Variants in VANGL1 observed in about 807,000 individuals in gnomAD.
The protein encoded by VANGL1 is VANGL planar cell polarity protein 1.
VANGL1 carries 18 observed loss-of-function variants against 48.4 expected under a neutral mutation model. The observed-to-expected ratio is 0.37, with a 90% CI of 0.26 to 0.55. The LOEUF (loss-of-function observed/expected upper bound fraction) is 0.55, where lower values mean the gene tolerates loss of function less well. Among genes scored for constraint, VANGL1 ranks in the 20% least tolerant of loss-of-function variants. The pLI is 0.81. For synonymous variants in VANGL1, 257 were observed against 261.8 expected (o/e 0.98, Z 0.18); for missense variants, 667 against 675.8 (o/e 0.99, Z 0.14).
intron 7 of VANGL1, among the ~76,000 whole-genome samples, chr1:115,686,100 T>C (rs1232046247): frequency 6.6e-6 from 1 of 152,114 alleles, no homozygotes; most frequent in African/African-American, 2.4e-5. Flanking sequence ...CATGCCTTGT[T>C]GCCATATTCA....
rs1303013065 is a variant in VANGL1 at position 115,690,025 on chromosome 1, A to AT, written c.1315-1092dup. Among the ~76,000 whole-genome samples, 28 of 139,064 alleles carry AT rather than the reference A, an allele frequency of 2.0e-4. 6 individuals are homozygous for AT. Among genetic ancestry groups the AT allele is most frequent in the African/African-American group, 7.6e-4 (28 of 37,006 alleles). The allele number at this position is 139,064 out of a possible 152,430, so 91.2% of individuals were successfully genotyped here. A position where few individuals can be genotyped will look rare whatever the true frequency, so the allele number is the denominator to read the frequency against. On this transcript the variant is annotated intron_variant, in intron 7 of 7. Transcript: ENST00000355485. Reference sequence around the variant, plus strand: ...TATATCCCAGTATGTTTCTATCTGTATTACTGGCTCATTTCATTCTTCCTT... The same window carrying AT: ...TATATCCCAGTATGTTTCTATCTGTATTTACTGGCTCATTTCATTCTTCCTT...
intron 2 of VANGL1, among the ~76,000 whole-genome samples, chr1:115,655,588 A>G (rs1652316047): frequency 6.6e-6 from 1 of 152,230 alleles, no homozygotes; most frequent in Non-Finnish European, 1.5e-5. Context: ...TGACACAGCC[A>G]CCCAGCAAAG....
intron 4 of VANGL1, among the ~76,000 whole-genome samples, chr1:115,666,015 G>C (rs1480279311): frequency 6.6e-6 from 1 of 152,202 alleles, no homozygotes; most frequent in African/African-American, 2.4e-5. Flanking sequence ...GAGAATTTCA[G>C]ATTGTGGCAG....
intron 4 of VANGL1, among the ~76,000 whole-genome samples, chr1:115,678,274 G>C (rs1315402117): frequency 6.6e-6 from 1 of 152,226 alleles, no homozygotes; most frequent in African/African-American, 2.4e-5. Flanking sequence ...AGCCAGTCCT[G>C]TGTTGGCTTT....
At chr1:115,680,320 G>A (rs1570767463) in intron 4 of VANGL1, among the ~76,000 whole-genome samples, 1 of 152,198 alleles carries the variant, frequency 6.6e-6, no homozygotes, top group African/African-American at 2.4e-5. Context: ...AGCCCCACGT[G>A]TTCCAGCATG....
intron 1 of VANGL1, among the ~76,000 whole-genome samples, chr1:115,648,670 A>T (rs1336228000): frequency 6.6e-6 from 1 of 152,236 alleles, no homozygotes; most frequent in African/African-American, 2.4e-5. Flanking sequence ...AGAGAGTATT[A>T]AATGACCTCA....
At chr1:115,662,857 G>A (rs927159593) in intron 3 of VANGL1, among the ~76,000 whole-genome samples, 11 of 150,436 alleles carry the variant, frequency 7.3e-5, no homozygotes, top group African/African-American at 2.7e-4. Context: ...CACGATCTCA[G>A]CTCACTGCAA....
At chr1:115,642,204 C>G (rs1375928321) in intron 1 of VANGL1, 118 bp downstream of exon 1, 3 of 152,176 alleles carry the variant, frequency 2.0e-5, no homozygotes, top group African/African-American at 7.2e-5. Flanking sequence ...CGCATTCGCC[C>G]CGCCGGACTT....
chr1:115,658,976 C>T (rs903469827), intron 2 of VANGL1, among the ~76,000 whole-genome samples: 1 of 151,900 alleles, frequency 6.6e-6, no homozygotes, highest in Admixed American at 6.6e-5. Flanking sequence ...CACACACATC[C>T]ACCCACACAC....
intron 2 of VANGL1, among the ~76,000 whole-genome samples, chr1:115,656,303 T>C (rs1467527850): frequency 6.6e-6 from 1 of 152,236 alleles, no homozygotes; most frequent in Non-Finnish European, 1.5e-5. Context: ...AAGCCCCTGC[T>C]ATATACAGGG....
chr1:115,642,933 G>C (rs1296103405), intron 1 of VANGL1, among the ~76,000 whole-genome samples: 1 of 152,244 alleles, frequency 6.6e-6, no homozygotes, highest in Non-Finnish European at 1.5e-5. Context: ...CAGTGGGGCG[G>C]AGCCGCGGCC....
intron 1 of VANGL1, among the ~76,000 whole-genome samples, chr1:115,644,931 C>A (rs894822327): frequency 3.9e-5 from 6 of 152,166 alleles, no homozygotes; most frequent in South Asian, 2.1e-4. Context: ...AAATAATGAC[C>A]CAGAATCATT....
chr1:115,677,280 G>A (rs1653203474), intron 4 of VANGL1, among the ~76,000 whole-genome samples: 1 of 152,220 alleles, frequency 6.6e-6, no homozygotes, highest in Admixed American at 6.5e-5. Flanking sequence ...CCTCTTCTCT[G>A]TTGCCATGGC....
At chr1:115,658,664 G>A (rs1479751049) in intron 2 of VANGL1, among the ~76,000 whole-genome samples, 1 of 152,162 alleles carries the variant, frequency 6.6e-6, no homozygotes, top group Non-Finnish European at 1.5e-5. Context: ...GGCTGTGGGG[G>A]CAGGAGGCTG....
intron 4 of VANGL1, among the ~76,000 whole-genome samples, chr1:115,675,887 G>A (rs1301683797): frequency 1.3e-5 from 2 of 152,080 alleles, no homozygotes; most frequent in Non-Finnish European, 2.9e-5. Flanking sequence ...CTCTGCTTGG[G>A]TGAACACTAA....
intron 7 of VANGL1, among the ~76,000 whole-genome samples, chr1:115,686,668 GT>G (rs1253050403): frequency 6.6e-6 from 1 of 152,058 alleles, no homozygotes; most frequent in Non-Finnish European, 1.5e-5. Flanking sequence ...ATCCCTAAAA[GT>G]GTGCTAAATA....
At chr1:115,644,592 G>A (rs1024730342) in intron 1 of VANGL1, among the ~76,000 whole-genome samples, 4 of 152,210 alleles carry the variant, frequency 2.6e-5, no homozygotes, top group Non-Finnish European at 4.4e-5. Context: ...GTGTGCTGTT[G>A]TCTCTAGCAG....
Position 115,696,439 on chromosome 1 carries a change from T to A in VANGL1, c.*5060T>A, listed in dbSNP as rs1191503115. ...CGTAAAACAGGACTCAGAAAACCAT[T>A]TTTCTCTGTTCCCATATGTAGTAAG... On this transcript the variant is annotated 3_prime_UTR_variant, in exon 8 of 8. Transcript: ENST00000355485. The A allele has an allele frequency of 6.6e-6, 1 of 152,172 alleles. No homozygotes were observed. The highest frequency in any genetic ancestry group is 1.5e-5 in the Non-Finnish European group (1 of 68,034). 9.4% of individuals were successfully genotyped at this position (152,172 alleles called of 1,614,324 possible). A position where few individuals can be genotyped will look rare whatever the true frequency, so the allele number is the denominator to read the frequency against.
chr1:115,668,114 T>C (rs569138115), intron 4 of VANGL1, among the ~76,000 whole-genome samples: 31 of 152,330 alleles, frequency 2.0e-4, no homozygotes, highest in Non-Finnish European at 3.4e-4. Context: ...TAGGTAAGTC[T>C]AAGGCCCCAC....
Sources: allele counts gnomAD v4.1 joint callset (sites outside exome capture counted in the v4.1 genomes callset), GRCh38; gene constraint gnomAD v4.1.1; transcripts MANE v1.5; gene names NCBI Gene and HGNC (gene_info 2026-07-23, HGNC 2026-07-21).